Variants in CCDC18 observed in about 807,000 individuals in gnomAD.
CCDC18 encodes coiled-coil domain containing 18, also known as coiled-coil domain-containing protein 18.
Under a neutral mutation model 196.0 loss-of-function variants are expected in CCDC18, and 157 were observed. That is an observed-to-expected ratio of 0.80 (90% CI 0.70 to 0.91). The LOEUF is 0.91. CCDC18 is among the 40% of genes least tolerant of loss of function. The probability of loss-of-function intolerance (pLI) is 0.00; values close to 1 mark genes in which losing one functional copy is unlikely to be tolerated. For synonymous variants in CCDC18, 482 were observed against 529.2 expected, an observed-to-expected ratio of 0.91 and a Z score of 1.22; for missense variants, 1,465 against 1,611.6, an observed-to-expected ratio of 0.91 and a Z score of 1.56.
intron 9 of CCDC18, among the ~76,000 whole-genome samples, chr1:93,209,623 T>A (rs2101965761): frequency 6.6e-6 from 1 of 152,326 alleles, no homozygotes; most frequent in Admixed American, 6.5e-5. Flanking sequence ...AACTAGAACA[T>A]AAGATCTTAG....
chr1:93,214,802 C>G lies in CCDC18; in HGVS notation c.1555C>G (p.Gln519Glu). 1 of 1,613,156 alleles carries G rather than the reference C, an allele frequency of 6.2e-7. No individual in the cohort carries two copies. The highest frequency in any genetic ancestry group is 8.5e-7 in the Non-Finnish European group (1 of 1,179,680). ...TMNKQYEKER[Q>E]RLVTGIEELR... ...GAACAAGCAATATGAAAAAGAGAGG[C>G]AAAGACTTGTTACTGGAATAGAAGA... Residue 519 changes from glutamine to glutamate, a missense_variant, in exon 12 of 29, where the codon CAA becomes GAA. Transcript: ENST00000690025.
At position 93,209,158 on chromosome 1, in the gene CCDC18, A is replaced by G. The variant is rs571435521; in HGVS notation, c.1210-1644A>G. ...TTTTTAGTAGAGACAGGGTTTCTCCATGTTGGTCAGGCTGGTCTCGAACTC... is the reference window on the plus strand; with the variant it reads ...TTTTTAGTAGAGACAGGGTTTCTCCGTGTTGGTCAGGCTGGTCTCGAACTC... On this transcript the variant is annotated intron_variant, in intron 9 of 28. Coordinates refer to ENST00000690025, the MANE Select transcript of CCDC18 (RefSeq NM_001378204.1). Among the ~76,000 whole-genome samples, 214 of 151,932 alleles carry G rather than the reference A, an allele frequency of 1.4e-3. 1 individual carries two copies. The highest frequency in any genetic ancestry group is 2.7e-3 in the Non-Finnish European group (184 of 67,980).
At position 93,214,868 on chromosome 1, in the gene CCDC18, G is replaced by T. The variant is rs1260348575; in HGVS notation, c.1621G>T (p.Asp541Tyr). 5.0e-6 allele frequency: 8 copies of T among 1,613,512 alleles called. No homozygotes were observed. Among genetic ancestry groups the T allele is most frequent in the Non-Finnish European group, 5.9e-6 (7 of 1,179,736 alleles). The change falls in exon 12 of 29, where the codon GAT becomes TAT. Residue 541 changes from aspartate (D) to tyrosine (Y), a missense_variant. Transcript: ENST00000690025. ...KLIQIEAENS[D>Y]LKVNMAHRTS... is the part of the protein sequence containing the mutation. ...GATACAAATAGAAGCTGAAAATTCT[G>T]ATTTGAAGGTTAACATGGCTCACAG...
chr1:93,258,624 A>C (rs1281732735), intron 25 of CCDC18, 124 bp from the exon 26 acceptor site: 1 of 651,728 alleles, frequency 1.5e-6, no homozygotes, highest in Non-Finnish European at 2.3e-6. Context: ...TAGTAAGTTA[A>C]CTTTGTGTCT....
intron 6 of CCDC18, among the ~76,000 whole-genome samples, chr1:93,200,281 A>G (rs1300479943): frequency 6.6e-6 from 1 of 151,896 alleles, no homozygotes; most frequent in Non-Finnish European, 1.5e-5. Context: ...AGCACATAAC[A>G]ATTTTAGAGA....
At chr1:93,185,429 T>C (rs187892033) in intron 3 of CCDC18, among the ~76,000 whole-genome samples, 53 of 152,052 alleles carry the variant, frequency 3.5e-4, no homozygotes, top group Admixed American at 1.4e-3. Flanking sequence ...ATCAAAAGAT[T>C]AGAAATAGTT....
chr1:93,239,269 A>T, intron 19 of CCDC18, 41 bp from the exon 20 acceptor site: 1 of 1,421,040 alleles, frequency 7.0e-7, no homozygotes, highest in Non-Finnish European at 9.4e-7. Flanking sequence ...TTAGTTGGTT[A>T]AGTTTCTAAA....
chr1:93,190,173 G>A (rs1350481383), intron 4 of CCDC18, among the ~76,000 whole-genome samples: 1 of 150,176 alleles, frequency 6.7e-6, no homozygotes, highest in Non-Finnish European at 1.5e-5. Flanking sequence ...TTTTTCTTTT[G>A]TTTAGGCCTC....
intron 18 of CCDC18, among the ~76,000 whole-genome samples, chr1:93,233,390 T>G (rs923116049): frequency 6.6e-6 from 1 of 152,252 alleles, no homozygotes; most frequent in Non-Finnish European, 1.5e-5. Flanking sequence ...TTTAGATATT[T>G]TACATTCTTA....
At chr1:93,233,205 G>C (rs1378056026) in intron 18 of CCDC18, among the ~76,000 whole-genome samples, 1 of 152,058 alleles carries the variant, frequency 6.6e-6, no homozygotes, top group African/African-American at 2.4e-5. Context: ...CATGGTATGT[G>C]ATATTCCTTA....
chr1:93,258,082 T>A (rs1663259527), intron 25 of CCDC18, among the ~76,000 whole-genome samples: 1 of 148,186 alleles, frequency 6.7e-6, no homozygotes, highest in African/African-American at 2.4e-5. Flanking sequence ...ATAATTAAAT[T>A]AATTAAAATT....
At position 93,270,835 on chromosome 1, in the gene CCDC18, A is replaced by G. The variant is rs530707295; in HGVS notation, c.4353+21A>G. The G allele has an allele frequency of 2.9e-6, 4 of 1,397,406 alleles. No homozygotes were observed. In the South Asian group the frequency reaches 7.1e-5, roughly 25 times the overall value. The allele number at this position is 1,397,406 out of a possible 1,614,324, so 86.6% of individuals were successfully genotyped here. On this transcript the variant is annotated intron_variant, in intron 28 of 28. Transcript: ENST00000690025. ...ATCAGGTATGTATTTTATACACTGT[A>G]AACTGTAATAATTTGTTTCCAAAGA...
chr1:93,215,066 T>C (rs1656262759), intron 12 of CCDC18, 100 bp downstream of exon 12: 2 of 679,680 alleles, frequency 2.9e-6, no homozygotes, highest in Non-Finnish European at 4.6e-6. Flanking sequence ...CATCCAGATT[T>C]AAAGTTTTTA....
chr1:93,207,035 G>C, intron 8 of CCDC18, 72 bp from the exon 9 acceptor site: 1 of 853,976 alleles, frequency 1.2e-6, no homozygotes, highest in Non-Finnish European at 1.7e-6. Context: ...TTTTAAAAGT[G>C]AGATTAAATA....
At chr1:93,259,467 C>A (rs1456935734) in intron 26 of CCDC18, among the ~76,000 whole-genome samples, 1 of 152,110 alleles carries the variant, frequency 6.6e-6, no homozygotes, top group African/African-American at 2.4e-5. Context: ...TACCCAAAAT[C>A]TCTGTATATG....
At position 93,201,967 on chromosome 1, in the gene CCDC18, A is replaced by T; in HGVS notation, c.774A>T (p.Lys258Asn). 2 of 1,609,354 alleles carry T rather than the reference A, an allele frequency of 1.2e-6. No individual in the cohort carries two copies. Among genetic ancestry groups the T allele is most frequent in the Non-Finnish European group, 8.5e-7 (1 of 1,177,334 alleles). ...AAGCTTTCCAACAATATAAAAAAAAAGTGGCTGAAAAACTGGAAAAGGTAA... is the reference window on the plus strand; with the variant it reads ...AAGCTTTCCAACAATATAAAAAAAATGTGGCTGAAAAACTGGAAAAGGTAA... Reference protein sequence around the residue: ...LSKAFQQYKKKVAEKLEKVQA... With the variant: ...LSKAFQQYKKNVAEKLEKVQA... Residue 258 changes from lysine (K) to asparagine (N), a missense_variant, in exon 7 of 29, where the codon AAA becomes AAT. Coordinates refer to ENST00000690025, the MANE Select transcript of CCDC18 (RefSeq NM_001378204.1).
chr1:93,209,090 C>G (rs551809578), intron 9 of CCDC18, among the ~76,000 whole-genome samples: 7 of 152,288 alleles, frequency 4.6e-5, no homozygotes, highest in Non-Finnish European at 8.8e-5. Context: ...TCCTGAGTAG[C>G]TGGGATTACA....
At chr1:93,224,215 A>G (rs1218407475) in intron 16 of CCDC18, among the ~76,000 whole-genome samples, 1 of 152,110 alleles carries the variant, frequency 6.6e-6, no homozygotes, top group African/African-American at 2.4e-5. Flanking sequence ...ACACATACAC[A>G]TGCATGCATG....
intron 28 of CCDC18, among the ~76,000 whole-genome samples, chr1:93,272,811 A>C (rs1241719313): frequency 2.0e-5 from 3 of 152,226 alleles, no homozygotes; most frequent in Admixed American, 2.0e-4. Flanking sequence ...TTTTAACATA[A>C]GAGAGAAAAC....
Sources: allele counts gnomAD v4.1 joint callset (sites outside exome capture counted in the v4.1 genomes callset), GRCh38; gene constraint gnomAD v4.1.1; transcripts MANE v1.5; gene names NCBI Gene and HGNC (gene_info 2026-07-23, HGNC 2026-07-21).